Variants in FAT2 observed in about 807,000 individuals in gnomAD.
FAT2 encodes FAT atypical cadherin 2.
FAT2 carries 150 observed loss-of-function variants against 295.3 expected under a neutral mutation model. The ratio of observed to expected loss-of-function variants is 0.51; its 90% CI spans 0.44 to 0.58. FAT2 has a LOEUF of 0.58. Among genes scored for constraint, FAT2 ranks in the 20% least tolerant of loss-of-function variants. FAT2 has a pLI of 0.00. For synonymous variants in FAT2, 2,026 were observed against 2,150.3 expected (o/e 0.94, Z 1.60); for missense variants, 4,868 against 5,442.7 (o/e 0.89, Z 3.32).
chr5:151,545,350 G>C lies in FAT2; in HGVS notation c.5777C>G (p.Ser1926Cys), dbSNP rs2127611962. ...TCCCAGGAAAGCAGGATTCAGCACA[G>C]ATATGCTACCAGTGACAGGATGGAT... ...VTIHPVTGSI[S>C]VLNPAFLGLS... Residue 1926 changes from serine to cysteine, a missense_variant, in exon 10 of 24, where the codon TCT becomes TGT. By Grantham distance (112) the Ser-to-Cys change is moderately radical. This residue lies in a region of FAT2 where 3,297 missense variants were observed against 3,669.4 expected (regional missense o/e 0.90). Transcript: ENST00000261800. 6.2e-7 allele frequency: 1 copy of C among 1,614,186 alleles called. No homozygotes were observed. The highest frequency in any genetic ancestry group is 8.5e-7 in the Non-Finnish European group (1 of 1,180,026).
chr5:151,594,750 A>G (rs1217499674), upstream of FAT2, among the ~76,000 whole-genome samples: 1 of 152,158 alleles, frequency 6.6e-6, no homozygotes, highest in Admixed American at 6.5e-5. Context: ...CTAATGAGCA[A>G]CGATGTAAAT....
Position 151,521,980 on chromosome 5 carries a change from A to G in FAT2, c.10613T>C (p.Ile3538Thr), listed in dbSNP as rs1210881797. The change falls in exon 19 of 24, where the codon ATC becomes ACC. Residue 3538 changes from isoleucine (I) to threonine (T), a missense_variant. Transcript: ENST00000261800. Reference sequence around the variant, plus strand: ...CTGGAACTCATCCTCTCCAACAGTGATGAAGATCTCCAGTGGGAGAGCAGA... The same window carrying G: ...CTGGAACTCATCCTCTCCAACAGTGGTGAAGATCTCCAGTGGGAGAGCAGA... ...APSALPLEIF[I>T]TVGEDEFQGG... The G allele has an allele frequency of 6.2e-7, 1 of 1,614,150 alleles. No individual in the cohort carries two copies.
intron 3 of FAT2, 63 bp from the exon 4 acceptor site, chr5:151,556,465 C>T: frequency 9.3e-7 from 1 of 1,078,998 alleles, no homozygotes; most frequent in Non-Finnish European, 1.4e-6. Context: ...TTTACTGAGG[C>T]AACTTCAAGA....
chr5:151,546,330 G>C lies in FAT2; in HGVS notation c.4797C>G (p.Ser1599Arg). 1 of 1,610,334 alleles carries C rather than the reference G, an allele frequency of 6.2e-7. No homozygotes were observed. Among genetic ancestry groups the C allele is most frequent in the Non-Finnish European group, 8.5e-7 (1 of 1,178,148 alleles). Residue 1599 changes from serine to arginine, a missense_variant, in exon 10 of 24, where the codon AGC becomes AGG. This residue lies in a region of FAT2 where 3,297 missense variants were observed against 3,669.4 expected (regional missense o/e 0.90). Coordinates refer to ENST00000261800, the MANE Select transcript of FAT2 (RefSeq NM_001447.3). ...GGGCATTGATGTTGAAGAAACCTTC[G>C]CTGTTCCCTGAAACAGAAGACAAGA... ...EVHYSLLKGNSEGFFNINALL... is the reference protein window; with the variant it reads ...EVHYSLLKGNREGFFNINALL...
At position 151,591,274 on chromosome 5, in the gene FAT2, A is replaced by G. The variant is rs1041505507; in HGVS notation, c.-130T>C. 7.2e-5 allele frequency among the ~76,000 whole-genome samples: 11 copies of G among 152,348 alleles called. No homozygotes were observed. The East Asian group carries it at 1.9e-3, about 27-fold the overall frequency. On this transcript the variant is annotated 5_prime_UTR_variant, in exon 1 of 24. Transcript: ENST00000261800. ...TGAGGGAGGTGCAGAGACTCGGAGC[A>G]GGAAGGCGCGCAGCCCGCAGCCGGA...
intron 5 of FAT2, 138 bp downstream of exon 5, chr5:151,554,224 G>A (rs764780394): frequency 4.4e-5 from 35 of 792,036 alleles, no homozygotes; most frequent in Admixed American, 5.9e-5. Context: ...GAGACTCCCA[G>A]TTTCTCTGGG....
chr5:151,550,602 T>C lies in FAT2; in HGVS notation c.4566A>G (p.Thr1522=). 1 of 1,614,104 alleles carries C rather than the reference T, an allele frequency of 6.2e-7. No individual in the cohort carries two copies. Among genetic ancestry groups the C allele is most frequent in the Non-Finnish European group, 8.5e-7 (1 of 1,179,994 alleles). The change falls in exon 8 of 24, where the codon ACA becomes ACG. Residue 1522 remains threonine (T), a synonymous_variant. Coordinates refer to ENST00000261800, the MANE Select transcript of FAT2 (RefSeq NM_001447.3). ...LDLGSGPSQH[T]LTVMVRDQEI... ...TCCATTTACTCACCATGACTGTCAG[T>C]GTGTGCTGGGAGGGCCCCGAGCCGA...
rs1176992305 is a variant in FAT2 at position 151,544,232 on chromosome 5, G to T, written c.6895C>A (p.Gln2299Lys). Residue 2299 changes from glutamine to lysine, a missense_variant, in exon 10 of 24, where the codon CAG becomes AAG. By Grantham distance (53) the Gln-to-Lys change is moderately conservative. This residue lies in a region of FAT2 where 3,297 missense variants were observed against 3,669.4 expected (regional missense o/e 0.90). Transcript: ENST00000261800. ...ACGTCACGGTTCCGCCCTGAGTCCT[G>T]GTCAGAAGCCAACAGTTGGATCACA... ...TPVIQLLASD[Q>K]DSGRNRDVSY... The T allele has an allele frequency of 1.9e-6, 3 of 1,614,182 alleles. No individual in the cohort carries two copies. In the East Asian group the frequency reaches 6.7e-5, roughly 36 times the overall value.
At chr5:151,592,448 G>A (rs574988499), upstream of FAT2, among the ~76,000 whole-genome samples, 1 of 152,064 alleles carries the variant, frequency 6.6e-6, no homozygotes, top group African/African-American at 2.4e-5. Flanking sequence ...CCCAGGTCTT[G>A]AAGCCCCTCT....
intron 1 of FAT2, among the ~76,000 whole-genome samples, chr5:151,581,860 A>G (rs888513274): frequency 2.0e-5 from 3 of 152,210 alleles, no homozygotes; most frequent in Non-Finnish European, 4.4e-5. Context: ...ACATAACCTC[A>G]GATCCTCTCC....
Position 151,553,198 on chromosome 5 carries a change from G to C in FAT2, c.4135C>G (p.Leu1379Val), listed in dbSNP as rs755271732. 6.2e-7 allele frequency: 1 copy of C among 1,614,138 alleles called. No individual in the cohort carries two copies. Among genetic ancestry groups the C allele is most frequent in the Non-Finnish European group, 8.5e-7 (1 of 1,180,048 alleles). The change falls in exon 6 of 24, where the codon CTC (leucine) becomes GTC (valine). Residue 1379 changes from leucine to valine, a missense_variant. This residue lies in a region of FAT2 where 3,297 missense variants were observed against 3,669.4 expected (regional missense o/e 0.90). Coordinates refer to ENST00000261800, the MANE Select transcript of FAT2 (RefSeq NM_001447.3). ...TCACCTGAGATGTTGAACCAGAAGA[G>C]TCCGGGTCTGCCCTCTACGCTGATG... ...GVISVEGRPG[L>V]FWFNISGGDK...
rs2127564867 is a variant in FAT2 at position 151,507,523 on chromosome 5, G to A, written c.12148C>T (p.Leu4050=). 1 of 1,614,144 alleles carries A rather than the reference G, an allele frequency of 6.2e-7. No homozygotes were observed. Among genetic ancestry groups the A allele is most frequent in the Non-Finnish European group, 8.5e-7 (1 of 1,180,024 alleles). Residue 4050 remains leucine (L), a synonymous_variant, in exon 23 of 24, where the codon CTG becomes TTG. Transcript: ENST00000261800. ...AACGCCACGGCCACTGTGATGATCA[G>A]TAACTCCTGCTGCCCCCAGTCCCCC... The part of the protein sequence containing the change: ...QRGDWGQQEL[L]IITVAVAFII...
intron 8 of FAT2, 53 bp downstream of exon 8, chr5:151,550,537 C>A (rs2127621467): frequency 1.9e-6 from 3 of 1,580,976 alleles, no homozygotes; most frequent in Admixed American, 3.4e-5. Context: ...GCATGTCCAC[C>A]CCTACACATC....
At position 151,545,027 on chromosome 5, in the gene FAT2, C is replaced by G. The variant is rs2127611134; in HGVS notation, c.6100G>C (p.Asp2034His). 6.2e-7 allele frequency: 1 copy of G among 1,614,214 alleles called. No individual in the cohort carries two copies. The highest frequency in any genetic ancestry group is 8.5e-7 in the Non-Finnish European group (1 of 1,180,022). ...ACTTCCACTGCCAACTCATGAGTGTCCTGCTGCTCCCGGTCAAACGCCACA... is the reference window on the plus strand; with the variant it reads ...ACTTCCACTGCCAACTCATGAGTGTGCTGCTGCTCCCGGTCAAACGCCACA... Reference protein sequence around the residue: ...RGVAFDREQQDTHELAVEVRD... With the variant: ...RGVAFDREQQHTHELAVEVRD... Residue 2034 changes from aspartate (D) to histidine (H), a missense_variant, in exon 10 of 24, where the codon GAC (aspartate) becomes CAC (histidine). Around this residue, in one of 5 missense-constraint regions of FAT2, gnomAD observed 3,297 missense variants for 3,669.4 expected, o/e 0.90. Transcript: ENST00000261800.
Position 151,534,415 on chromosome 5 carries a change from C to T in FAT2, c.9421G>A (p.Asp3141Asn), listed in dbSNP as rs1416029550. Residue 3141 changes from aspartate (D) to asparagine (N), a missense_variant, in exon 13 of 24, where the codon GAC becomes AAC. Asp to Asn is a conservative substitution (Grantham distance 23, BLOSUM62 1). Around this residue, in one of 5 missense-constraint regions of FAT2, gnomAD observed 1,046 missense variants for 1,210.1 expected, o/e 0.86. Transcript: ENST00000261800. ...CAATCCTTCTCAGACTCACCTTGGT[C>T]GGGATCCCGGGCAAATACTACAGCC... is the stretch of plus-strand genomic sequence containing the variant. Reference protein sequence around the residue: ...PVAVVFARDPDQGANAQVVYS... With the variant: ...PVAVVFARDPNQGANAQVVYS... 6.2e-6 allele frequency: 10 copies of T among 1,605,210 alleles called. No homozygotes were observed. The highest frequency in any genetic ancestry group is 1.3e-5 in the African/African-American group (1 of 74,756).
intron 1 of FAT2, among the ~76,000 whole-genome samples, chr5:151,572,205 T>TC (rs1409701373): frequency 5.3e-5 from 8 of 152,332 alleles, no homozygotes; most frequent in African/African-American, 1.7e-4. Context: ...AGAGAGGAGC[T>TC]CTGTGTATCT....
At chr5:151,556,252 C>T (rs780553352) in intron 4 of FAT2, 92 bp downstream of exon 4, 6 of 1,064,998 alleles carry the variant, frequency 5.6e-6, no homozygotes, top group Non-Finnish European at 8.8e-6. Flanking sequence ...GAACCCAGAC[C>T]CTCCTCAGCC....
rs932643559 is a variant in FAT2 at position 151,555,519 on chromosome 5, G to A, written c.3633+825C>T. ...CCGGTAGCTGGGATTACAAGCACCC[G>A]CCACCACACCTGGCTAATTTTTGTA... is the stretch of plus-strand genomic sequence containing the variant. On this transcript the variant is annotated intron_variant, in intron 4 of 23. Transcript: ENST00000261800. 7.8e-4 allele frequency among the ~76,000 whole-genome samples: 118 copies of A among 151,878 alleles called. 1 individual carries two copies. The highest frequency in any genetic ancestry group is 2.7e-3 in the African/African-American group (112 of 41,386).
At chr5:151,533,463 T>G (rs903505570) in intron 13 of FAT2, among the ~76,000 whole-genome samples, 4 of 150,932 alleles carry the variant, frequency 2.7e-5, no homozygotes, top group African/African-American at 9.7e-5. Context: ...CCACCCTGCC[T>G]TTGTGTTGAC....
Sources: allele counts gnomAD v4.1 joint callset (sites outside exome capture counted in the v4.1 genomes callset), GRCh38; gene constraint gnomAD v4.1.1; regional missense constraint gnomAD v4.1.1; transcripts MANE v1.5; gene names NCBI Gene and HGNC (gene_info 2026-07-23, HGNC 2026-07-21).